Variants in GANC observed in about 807,000 individuals in gnomAD.
The protein encoded by GANC is glucosidase alpha, neutral C.
Under a neutral mutation model 124.2 loss-of-function variants are expected in GANC, and 117 were observed. That is an observed-to-expected ratio of 0.94 (90% CI 0.81 to 1.10). GANC has a LOEUF of 1.10. GANC is among the 50% of genes least tolerant of loss of function. GANC has a pLI of 0.00. For missense variants in GANC, 1,140 were observed against 1,095.0 expected (o/e 1.04, Z -0.58); for synonymous variants, 377 against 376.8 (o/e 1.00, Z -0.01).
In GANC at chr15:42,308,264, A is replaced by G; in HGVS notation, c.668A>G (p.Glu223Gly). Residue 223 changes from glutamate (E) to glycine (G), a missense_variant, in exon 8 of 24, where the codon GAG becomes GGG. Glu to Gly is a moderately conservative substitution (Grantham distance 98). Coordinates refer to ENST00000318010, the MANE Select transcript of GANC (RefSeq NM_198141.3). Reference protein sequence around the residue: ...IGLDFSLHGFEHLYGIPQHAE... With the variant: ...IGLDFSLHGFGHLYGIPQHAE... ...TTGGATTTCTCCTTGCATGGATTTG[A>G]GCATCTTTATGGGATCCCACAACAT... 1.2e-6 allele frequency: 2 copies of G among 1,610,050 alleles called. No homozygotes were observed. Among genetic ancestry groups the G allele is most frequent in the Non-Finnish European group, 1.7e-6 (2 of 1,176,986 alleles).
intron 6 of GANC, among the ~76,000 whole-genome samples, chr15:42,300,308 C>T (rs1201493153): frequency 1.3e-5 from 2 of 152,144 alleles, no homozygotes; most frequent in Non-Finnish European, 2.9e-5. Context: ...TGAACAGACA[C>T]TTCTCAAAAG....
chr15:42,314,226 A>G (rs1354855278), intron 10 of GANC: 1 of 733,812 alleles, frequency 1.4e-6, no homozygotes, highest in Admixed American at 1.8e-5. Flanking sequence ...TCTTTAAAGC[A>G]CCTGAAGCAC....
At chr15:42,316,747 A>G (rs1023247765) in intron 10 of GANC, among the ~76,000 whole-genome samples, 1 of 152,156 alleles carries the variant, frequency 6.6e-6, no homozygotes, top group Non-Finnish European at 1.5e-5. Flanking sequence ...TAACTCCTCC[A>G]AGGAAAGGAG....
At chr15:42,331,401 C>T (rs926341631) in intron 15 of GANC, among the ~76,000 whole-genome samples, 2 of 151,280 alleles carry the variant, frequency 1.3e-5, no homozygotes, top group Non-Finnish European at 1.5e-5. Flanking sequence ...CTGGCTGTTG[C>T]GTGTGGTCAG....
At chr15:42,330,488 G>A (rs371453912) in intron 14 of GANC, 88 bp from the exon 15 acceptor site, 1 of 838,970 alleles carries the variant, frequency 1.2e-6, no homozygotes, top group Non-Finnish European at 2.0e-6. Context: ...CCTGCCTACT[G>A]TTTGCTTTTT....
chr15:42,320,770 G>T (rs559467514), intron 10 of GANC, among the ~76,000 whole-genome samples: 3 of 152,010 alleles, frequency 2.0e-5, no homozygotes, highest in Admixed American at 6.6e-5. Flanking sequence ...TCATGGTGAG[G>T]CTCTGTGTGC....
At chr15:42,305,477 T>C (rs1178965451) in intron 6 of GANC, among the ~76,000 whole-genome samples, 7 of 152,190 alleles carry the variant, frequency 4.6e-5, no homozygotes, top group African/African-American at 1.7e-4. Context: ...TGGAGAAATA[T>C]GAATGCTTTT....
At chr15:42,285,921 G>A (rs1303616744) in intron 3 of GANC, among the ~76,000 whole-genome samples, 1 of 152,100 alleles carries the variant, frequency 6.6e-6, no homozygotes, top group Non-Finnish European at 1.5e-5. Flanking sequence ...TCATTATAGT[G>A]AAAACAGGGT....
intron 4 of GANC, among the ~76,000 whole-genome samples, chr15:42,290,739 T>A (rs1233300713): frequency 1.3e-5 from 2 of 152,106 alleles, no homozygotes; most frequent in Non-Finnish European, 2.9e-5. Flanking sequence ...CCCCAGTGGT[T>A]TAAGGCTGCA....
At chr15:42,334,153 A>G (rs964292607) in intron 15 of GANC, among the ~76,000 whole-genome samples, 1 of 123,368 alleles carries the variant, frequency 8.1e-6, no homozygotes, top group East Asian at 2.4e-4. Context: ...GGAAAAAAAC[A>G]TAGAATAAAA....
rs979209889 is a variant in GANC at position 42,274,345 on chromosome 15, G to GA, written c.-136dup. The GA allele has an allele frequency of 1.9e-5, 16 of 838,020 alleles. No homozygotes were observed. The African/African-American group carries it at 2.8e-4, about 15-fold the overall frequency. 51.9% of individuals were successfully genotyped at this position (838,020 alleles called of 1,614,324 possible). On this transcript the variant is annotated 5_prime_UTR_variant, in exon 1 of 24. It introduces an in-frame stop codon into an upstream open reading frame of the 5' UTR. Transcript: ENST00000318010. Reference sequence around the variant, plus strand: ...AGATTTGTCACTCCATGAGAATCTGGAGGGGACTCCCTTCCCAGAAACTTG... The same window carrying GA: ...AGATTTGTCACTCCATGAGAATCTGGAAGGGGACTCCCTTCCCAGAAACTTG...
chr15:42,305,141 A>G (rs1433161119), intron 6 of GANC, among the ~76,000 whole-genome samples: 1 of 152,244 alleles, frequency 6.6e-6, no homozygotes, highest in Non-Finnish European at 1.5e-5. Flanking sequence ...GCTTCTGCAC[A>G]GCGAAAGAAA....
intron 10 of GANC, among the ~76,000 whole-genome samples, chr15:42,312,788 A>T (rs2141047549): frequency 1.3e-5 from 2 of 152,062 alleles, no homozygotes; most frequent in South Asian, 4.1e-4. Flanking sequence ...AAAATACAAA[A>T]ATTGGCCAGG....
chr15:42,310,183 C>T (rs534326281), intron 8 of GANC, 100 bp from the exon 9 acceptor site: 301 of 859,636 alleles, frequency 3.5e-4, no homozygotes, highest in Middle Eastern at 2.4e-3. Context: ...TCCAAAGATG[C>T]GTGGGACCTA....
At chr15:42,327,578 C>T (rs2052208191) in intron 13 of GANC, 136 bp downstream of exon 13, 1 of 689,662 alleles carries the variant, frequency 1.4e-6, no homozygotes, top group Non-Finnish European at 2.5e-6. Flanking sequence ...CAAGTATGGC[C>T]ACCACATTAC....
rs1477854541 is a variant in GANC at position 42,321,798 on chromosome 15, G to GC, written c.1076dup (p.Leu360SerfsTer14). ...TCCCTCTTTTAGGCACACAAGCCAT[G>GC]CCCCCTCTTTTCTCTTTGGGATACC... On this transcript the variant is annotated frameshift_variant, in exon 11 of 24. Transcript: ENST00000318010. LOFTEE classifies it high-confidence loss of function. The GC allele has an allele frequency of 6.2e-7, 1 of 1,614,052 alleles. No homozygotes were observed. Among genetic ancestry groups the GC allele is most frequent in the Non-Finnish European group, 8.5e-7 (1 of 1,180,006 alleles).
chr15:42,309,476 C>T (rs761000481), intron 8 of GANC, among the ~76,000 whole-genome samples: 2 of 151,974 alleles, frequency 1.3e-5, no homozygotes, highest in Non-Finnish European at 2.9e-5. Flanking sequence ...TGCGCCACTA[C>T]GCCCAGCTAA....
Position 42,273,828 on chromosome 15 carries a change from T to G in GANC, c.-654T>G. The G allele has an allele frequency of 4.7e-6, 1 of 211,524 alleles. No individual in the cohort carries two copies. The highest frequency in any genetic ancestry group is 9.8e-6 in the Non-Finnish European group (1 of 102,128). The allele number at this position is 211,524 out of a possible 1,614,324, so 13.1% of individuals were successfully genotyped here. A position where few individuals can be genotyped will look rare whatever the true frequency, so the allele number is the denominator to read the frequency against. On this transcript the variant is annotated 5_prime_UTR_variant, in exon 1 of 24. Coordinates refer to ENST00000318010, the MANE Select transcript of GANC (RefSeq NM_198141.3). ...GCCTGGCTGCCCAAGTGGCGTCTAG[T>G]AGTGAGTTCTCCGGTTTGGGTGGTA...
chr15:42,297,798 C>T (rs4924652), intron 6 of GANC, 142 bp downstream of exon 6: 464,038 of 483,584 alleles, frequency 0.96, 224,688 homozygotes, highest in Non-Finnish European at 1. Context: ...CTTGTTTCTT[C>T]GGCTCACCTT....
Sources: allele counts gnomAD v4.1 joint callset (sites outside exome capture counted in the v4.1 genomes callset), GRCh38; gene constraint gnomAD v4.1.1; transcripts MANE v1.5; gene names NCBI Gene and HGNC (gene_info 2026-07-23, HGNC 2026-07-21).